The following ZMYM1 variants were observed in gnomAD, a reference collection of about 807,000 sequenced individuals.
ZMYM1 encodes the protein zinc finger MYM-type protein 1.
ZMYM1 carries 39 observed loss-of-function variants against 60.0 expected under a neutral mutation model. That is an observed-to-expected ratio of 0.65 (90% CI 0.50 to 0.85). The LOEUF is 0.85. Ranked by LOEUF, ZMYM1 falls within the 40% of genes least tolerant of loss-of-function variation. ZMYM1 has a pLI of 0.00. For synonymous variants in ZMYM1, 413 were observed against 454.0 expected, an observed-to-expected ratio of 0.91 and a Z score of 1.15; for missense variants, 1,171 against 1,309.5, an observed-to-expected ratio of 0.89 and a Z score of 1.63.
At chr1:35,092,223 GC>G (rs1643056086) in intron 1 of ZMYM1, among the ~76,000 whole-genome samples, 2 of 151,068 alleles carry the variant, frequency 1.3e-5, no homozygotes, top group African/African-American at 4.9e-5. Context: ...ACTGCGCCCG[GC>G]CAAAGACTTC....
chr1:35,106,361 C>G (rs941167938), intron 6 of ZMYM1, among the ~76,000 whole-genome samples: 1 of 152,086 alleles, frequency 6.6e-6, no homozygotes, highest in Non-Finnish European at 1.5e-5. Context: ...ATAATCCCAG[C>G]ACTTTGGGAG....
chr1:35,075,390 G>A (rs1000980876), upstream of ZMYM1, among the ~76,000 whole-genome samples: 1 of 151,832 alleles, frequency 6.6e-6, no homozygotes, highest in African/African-American at 2.4e-5. Flanking sequence ...GGAGTGCAAT[G>A]GCACAATCTC....
At chr1:35,110,910 G>A (rs752673818) in intron 7 of ZMYM1, among the ~76,000 whole-genome samples, 3 of 151,986 alleles carry the variant, frequency 2.0e-5, no homozygotes, top group Non-Finnish European at 2.9e-5. Context: ...CTCCAGTCTG[G>A]GTGACAGAGT....
chr1:35,117,806 G>A (rs190773761), downstream of ZMYM1, among the ~76,000 whole-genome samples: 75 of 152,120 alleles, frequency 4.9e-4, 4 homozygotes, highest in Admixed American at 4.6e-3. Context: ...CGGGCGTGGT[G>A]GCACATGCCT....
chr1:35,071,269 G>A (rs1355868678), intron 1 of ZMYM1, among the ~76,000 whole-genome samples: 3 of 152,052 alleles, frequency 2.0e-5, no homozygotes, highest in South Asian at 2.1e-4. Flanking sequence ...CCACTTGTTC[G>A]TGGTGAATGA....
chr1:35,063,309 CTTTTG>C (rs1449000486), intron 1 of ZMYM1, among the ~76,000 whole-genome samples: 10 of 151,644 alleles, frequency 6.6e-5, no homozygotes, highest in Admixed American at 5.3e-4. Context: ...GTTGTGTTTC[CTTTTG>C]TTTTGTTTTA....
In ZMYM1 at chr1:35,069,651, A is replaced by T. The variant is rs571158090; in HGVS notation, c.-300-9343A>T. On this transcript the variant is annotated intron_variant, in intron 1 of 10. Transcript: ENST00000417119. The stretch of plus-strand genomic sequence containing the variant: ...TGCTTTTGAGGACTTATTTTTTTAA[A>T]AAAATTGCCCAGTCCAATGTTATTA... 5.4e-4 allele frequency among the ~76,000 whole-genome samples: 82 copies of T among 151,378 alleles called. 1 individual carries two copies. The South Asian group carries it at 0.014, about 26-fold the overall frequency.
rs113498827 is a variant in ZMYM1, at chr1:35,089,902, G to A, written c.-74-4012G>A. 4.3e-3 allele frequency among the ~76,000 whole-genome samples: 631 copies of A among 146,670 alleles called. 6 individuals carry two copies. Among genetic ancestry groups the A allele is most frequent in the African/African-American group, 0.015 (604 of 39,386 alleles). ...CTGGGACTACAGGTGCCCGATATAAGGCTCTTTTTTTTTTTTTTTTGAGAC... is the reference window on the plus strand; with the variant it reads ...CTGGGACTACAGGTGCCCGATATAAAGCTCTTTTTTTTTTTTTTTTGAGAC... On this transcript the variant is annotated intron_variant, in intron 1 of 9. Transcript: ENST00000359858.
chr1:35,061,310 A>G (rs912438305), intron 1 of ZMYM1, among the ~76,000 whole-genome samples: 1 of 152,226 alleles, frequency 6.6e-6, no homozygotes, highest in Admixed American at 6.5e-5. Context: ...AAGGACACAT[A>G]CTACTAAACT....
chr1:35,088,246 C>T (rs1026537162), intron 1 of ZMYM1, among the ~76,000 whole-genome samples: 1 of 151,402 alleles, frequency 6.6e-6, no homozygotes, highest in Admixed American at 6.6e-5. Flanking sequence ...GGTGAAAACC[C>T]GTCTCTACTA....
At chr1:35,071,175 C>T (rs987914433) in intron 1 of ZMYM1, among the ~76,000 whole-genome samples, 4 of 152,124 alleles carry the variant, frequency 2.6e-5, no homozygotes, top group Non-Finnish European at 5.9e-5. Flanking sequence ...GCATGAGCCA[C>T]TGTGCCCAGC....
chr1:35,106,586 G>T (rs1033537569), intron 6 of ZMYM1, among the ~76,000 whole-genome samples: 1 of 142,682 alleles, frequency 7.0e-6, no homozygotes, highest in Admixed American at 7.1e-5. Flanking sequence ...TCCAGCCTAG[G>T]CGACAGAGTG....
intron 1 of ZMYM1, among the ~76,000 whole-genome samples, chr1:35,069,503 T>C (rs529772190): frequency 5.3e-5 from 8 of 152,352 alleles, no homozygotes; most frequent in African/African-American, 1.9e-4. Context: ...GTCAGATGTA[T>C]AGTTTGCAAA....
In ZMYM1 at chr1:35,112,105, C is replaced by T; in HGVS notation, c.1121C>T (p.Thr374Ile). The T allele has an allele frequency of 6.2e-7, 1 of 1,613,414 alleles. No homozygotes were observed. Among genetic ancestry groups the T allele is most frequent in the Non-Finnish European group, 8.5e-7 (1 of 1,179,686 alleles). Residue 374 changes from threonine (T) to isoleucine (I), a missense_variant, in exon 9 of 10, where the codon ACA (threonine) becomes ATA (isoleucine). Thr to Ile is a moderately conservative substitution (Grantham distance 89, BLOSUM62 -1). Coordinates refer to ENST00000359858, the MANE Select transcript of ZMYM1 (RefSeq NM_024772.5). ...TTAACAGATACAGTTTCTTCAGTAA[C>T]AGCAACAGCAGATGTCATTGTGGAT... is the stretch of plus-strand genomic sequence containing the variant. Reference protein sequence around the residue: ...DVLQDTVSSVTATADVIVDLS... With the variant: ...DVLQDTVSSVIATADVIVDLS...
Position 35,095,392 on chromosome 1 carries a change from G to C in ZMYM1, c.97-427G>C, listed in dbSNP as rs1388173965. ...GCCTGTAGTCTCAGCTACTTGGGAG[G>C]CTGAGGCAGAAGAATCACTTGAACC... On this transcript the variant is annotated intron_variant, in intron 2 of 9. Transcript: ENST00000359858. Among the ~76,000 whole-genome samples, 33 of 151,436 alleles carry C rather than the reference G, an allele frequency of 2.2e-4. 1 individual carries two copies. In the Admixed American group the frequency reaches 2.2e-3, roughly 10 times the overall value.
chr1:35,078,049 G>T (rs1012571225), upstream of ZMYM1, among the ~76,000 whole-genome samples: 1 of 152,114 alleles, frequency 6.6e-6, no homozygotes, highest in Non-Finnish European at 1.5e-5. Context: ...TTATCCTCTT[G>T]CCTTCAGCTT....
rs199597469 is a variant in ZMYM1, at chr1:35,094,024, G to T, written c.37G>T (p.Ala13Ser). 1.8e-5 allele frequency: 29 copies of T among 1,610,908 alleles called. No homozygotes were observed. In the African/African-American group the frequency reaches 3.6e-4, roughly 20 times the overall value. ...ACTTTTAGGTGGTGAGTGTGACAAG[G>T]CAGTGGCATCACAGCTGGGGCTGCT... ...EPLLGGECDKAVASQLGLLDE... is the reference protein window; with the variant it reads ...EPLLGGECDKSVASQLGLLDE... The change falls in exon 2 of 10, where the codon GCA (alanine) becomes TCA (serine). Residue 13 changes from alanine to serine, a missense_variant. Transcript: ENST00000359858.
intron 1 of ZMYM1, among the ~76,000 whole-genome samples, chr1:35,080,314 C>CT (rs35214559): frequency 0.044 from 5,526 of 125,484 alleles, 201 homozygotes; most frequent in East Asian, 0.12. Context: ...ATTTGTGCTT[C>CT]TTTTTTTTTT....
At chr1:35,104,813 A>C (rs201651215) in intron 6 of ZMYM1, 44 bp downstream of exon 6, 3 of 1,539,156 alleles carry the variant, frequency 1.9e-6, no homozygotes, top group Middle Eastern at 1.8e-4. Context: ...CTGGCCTATG[A>C]ATGGTTTCAC....
Sources: gnomAD v4.1 joint callset for allele counts (sites outside exome capture counted in the v4.1 genomes callset) on GRCh38, gnomAD v4.1.1 for gene constraint, MANE v1.5 for transcripts, NCBI Gene and HGNC (gene_info 2026-07-23, HGNC 2026-07-21) for gene names.